The following LRP12 variants were observed in gnomAD, a reference collection of about 807,000 sequenced individuals.
LRP12 encodes the protein low-density lipoprotein receptor-related protein 12.
LRP12 carries 14 observed loss-of-function variants against 66.0 expected under a neutral mutation model. That is an observed-to-expected ratio of 0.21 (90% confidence interval 0.14 to 0.33). LRP12 has a LOEUF of 0.33. Ranked by LOEUF, LRP12 falls within the 10% of genes least tolerant of loss-of-function variation. The probability of loss-of-function intolerance (pLI) is 1.00; values close to 1 mark genes in which losing one functional copy is unlikely to be tolerated. For missense variants in LRP12, 889 were observed against 1,053.4 expected (o/e 0.84, Z 2.16); for synonymous variants, 357 against 359.1 (o/e 0.99, Z 0.07).
intron 1 of LRP12, among the ~76,000 whole-genome samples, chr8:104,538,086 A>C (rs1409768682): frequency 6.6e-6 from 1 of 152,200 alleles, no homozygotes; most frequent in Non-Finnish European, 1.5e-5. Flanking sequence ...CACATGCCCA[A>C]CCTTGTCAAG....
intron 1 of LRP12, among the ~76,000 whole-genome samples, chr8:104,550,228 TG>T (rs1207153705): frequency 6.6e-6 from 1 of 152,160 alleles, no homozygotes; most frequent in South Asian, 2.1e-4. Flanking sequence ...AGAAGAGACT[TG>T]TTCAAGGTAA....
At chr8:104,580,016 T>C (rs917801498) in intron 1 of LRP12, among the ~76,000 whole-genome samples, 1 of 151,812 alleles carries the variant, frequency 6.6e-6, no homozygotes, top group Non-Finnish European at 1.5e-5. Context: ...GACACAAAAA[T>C]AGGCAAAGAT....
chr8:104,520,515 T>C (rs182576321), intron 2 of LRP12, among the ~76,000 whole-genome samples: 221 of 152,172 alleles, frequency 1.5e-3, no homozygotes, highest in Non-Finnish European at 2.2e-3. Context: ...AGCTTTGACA[T>C]AGTTTTTAGT....
At chr8:104,558,742 A>C (rs1811852982) in intron 1 of LRP12, among the ~76,000 whole-genome samples, 1 of 151,884 alleles carries the variant, frequency 6.6e-6, no homozygotes, top group African/African-American at 2.4e-5. Context: ...TCTACAAGGA[A>C]CTCAGAGCAG....
intron 1 of LRP12, among the ~76,000 whole-genome samples, chr8:104,568,678 C>A (rs1387144895): frequency 6.6e-6 from 1 of 151,970 alleles, no homozygotes; most frequent in Admixed American, 6.6e-5. Flanking sequence ...ATGAGAAGAA[C>A]CTCAACATCA....
chr8:104,587,563 T>C (rs781641592), intron 1 of LRP12, among the ~76,000 whole-genome samples: 1 of 152,214 alleles, frequency 6.6e-6, no homozygotes, highest in African/African-American at 2.4e-5. Flanking sequence ...ACATCCTTAA[T>C]TGTACCAAAA....
chr8:104,497,170 T>C lies in LRP12; in HGVS notation c.1382A>G (p.Asn461Ser), dbSNP rs1451305179. 6 of 1,610,594 alleles carry C rather than the reference T, an allele frequency of 3.7e-6. No homozygotes were observed. The highest frequency in any genetic ancestry group is 1.1e-5 in the South Asian group (1 of 90,384). ...CQPGNFHCKN[N>S]RCVFESWVCD... ...CACCCAACTTTCAAACACACAACGA[T>C]TGTTTTTACAATGGAAATTTCCTGG... Residue 461 changes from asparagine (N) to serine (S), a missense_variant, in exon 5 of 7, where the codon AAT becomes AGT. Physicochemically the swap from Asn to Ser is conservative, Grantham distance 46. This residue lies in a region of LRP12 where 800 missense variants were observed against 964.5 expected (regional missense o/e 0.83). Coordinates refer to ENST00000276654, the MANE Select transcript of LRP12 (RefSeq NM_013437.5). This position sits in a 1 kb window ranked among gnomAD's most constrained non-coding sequence, Gnocchi z 4.3.
Position 104,548,323 on chromosome 8 carries a change from A to G in LRP12, c.80-16360T>C, listed in dbSNP as rs187862725. On this transcript the variant is annotated intron_variant, in intron 1 of 6. Transcript: ENST00000276654. ...TATAATATATATTATATAAATATATAATATATATTATATAAATATATAAAT... is the reference window on the plus strand; with the variant it reads ...TATAATATATATTATATAAATATATGATATATATTATATAAATATATAAAT... 6.0e-3 allele frequency among the ~76,000 whole-genome samples: 100 copies of G among 16,600 alleles called. 3 individuals are homozygous for G. The highest frequency in any genetic ancestry group is 0.043 in the African/African-American group (92 of 2,120). 10.9% of individuals were successfully genotyped at this position (16,600 alleles called of 152,430 possible).
intron 1 of LRP12, among the ~76,000 whole-genome samples, chr8:104,538,920 T>C (rs1412331497): frequency 6.6e-6 from 1 of 152,182 alleles, no homozygotes. Flanking sequence ...TTAGGCTTTA[T>C]AGCTCTAAAT....
intron 2 of LRP12, among the ~76,000 whole-genome samples, chr8:104,528,478 G>GA (rs1034534490): frequency 2.4e-4 from 36 of 152,170 alleles, no homozygotes; most frequent in African/African-American, 8.4e-4. Flanking sequence ...ACTGGCCACA[G>GA]AAAAAATGCA....
At chr8:104,577,276 A>G (rs1225160029) in intron 1 of LRP12, among the ~76,000 whole-genome samples, 3 of 152,212 alleles carry the variant, frequency 2.0e-5, no homozygotes, top group Non-Finnish European at 4.4e-5. Flanking sequence ...CAGAATATAC[A>G]TGTTTCTCAT....
At chr8:104,514,666 A>G (rs1466238756) in intron 2 of LRP12, among the ~76,000 whole-genome samples, 1 of 152,078 alleles carries the variant, frequency 6.6e-6, no homozygotes. Flanking sequence ...ACAGAGCAAG[A>G]CTTTGTCTCA....
At chr8:104,527,257 G>T (rs13270076) in intron 2 of LRP12, among the ~76,000 whole-genome samples, 3,933 of 125,626 alleles carry the variant, frequency 0.031, 110 homozygotes, top group Middle Eastern at 0.054. Context: ...GTTCAACCAT[G>T]GTGGAAGTCA....
chr8:104,501,979 T>C (rs1009744013), intron 3 of LRP12, among the ~76,000 whole-genome samples: 1 of 152,202 alleles, frequency 6.6e-6, no homozygotes, highest in African/African-American at 2.4e-5. Flanking sequence ...ATAGCTGAGA[T>C]TTATATAAAT....
chr8:104,547,204 T>C (rs1238040028), intron 1 of LRP12, among the ~76,000 whole-genome samples: 4 of 140,364 alleles, frequency 2.8e-5, no homozygotes, highest in Non-Finnish European at 6.0e-5. Context: ...TCATATTTTG[T>C]ATATAATATA....
intron 1 of LRP12, among the ~76,000 whole-genome samples, chr8:104,583,763 T>G (rs1368674907): frequency 6.6e-6 from 1 of 152,172 alleles, no homozygotes; most frequent in African/African-American, 2.4e-5. Flanking sequence ...CAATGTTCTC[T>G]TCCATAAAAC....
chr8:104,541,027 C>T (rs781287120), intron 1 of LRP12, among the ~76,000 whole-genome samples: 7 of 152,170 alleles, frequency 4.6e-5, no homozygotes, highest in Non-Finnish European at 1.0e-4. Context: ...CCACCGCGCC[C>T]GGCCAAACCA....
At chr8:104,578,038 A>C (rs1037420409) in intron 1 of LRP12, among the ~76,000 whole-genome samples, 3 of 152,134 alleles carry the variant, frequency 2.0e-5, no homozygotes, top group Non-Finnish European at 4.4e-5. Flanking sequence ...AAGACAAGAA[A>C]TAACCAAAAT....
chr8:104,561,899 G>C (rs530753397), intron 1 of LRP12, among the ~76,000 whole-genome samples: 4 of 152,204 alleles, frequency 2.6e-5, no homozygotes, highest in African/African-American at 9.6e-5. Context: ...ATGGAAATCA[G>C]TCATTCATCC....
Sources: gnomAD v4.1 joint callset for allele counts (sites outside exome capture counted in the v4.1 genomes callset) on GRCh38, gnomAD v4.1.1 for gene constraint, gnomAD v4.1.1 regional missense constraint, Gnocchi (gnomAD v3.1) non-coding constraint, MANE v1.5 for transcripts, NCBI Gene and HGNC (gene_info 2026-07-23, HGNC 2026-07-21) for gene names.